The following FGF12 variants were observed in gnomAD, a reference collection of about 807,000 sequenced individuals.
FGF12 encodes fibroblast growth factor 12B.
In FGF12, 14 loss-of-function variants were observed where a neutral mutation model predicts 23.6. The ratio of observed to expected loss-of-function variants is 0.59; its 90% confidence interval spans 0.39 to 0.93. The LOEUF (loss-of-function observed/expected upper bound fraction) is 0.93, where lower values mean the gene tolerates loss of function less well. Ranked by LOEUF, FGF12 falls within the 40% of genes least tolerant of loss-of-function variation. The pLI, the probability that FGF12 is intolerant of heterozygous loss-of-function variation, is 0.00. For synonymous variants in FGF12, 62 were observed against 77.3 expected (o/e 0.80, Z 1.04); for missense variants, 175 against 217.8 (o/e 0.80, Z 1.24).
chr3:192,404,135 T>C (rs1417439538), intron 2 of FGF12, among the ~76,000 whole-genome samples: 1 of 152,160 alleles, frequency 6.6e-6, no homozygotes, highest in African/African-American at 2.4e-5. Context: ...TCTTTAGGTT[T>C]TAAGATAGAT....
intron 2 of FGF12, among the ~76,000 whole-genome samples, chr3:192,439,784 G>GC (rs1722142525): frequency 6.6e-6 from 1 of 151,998 alleles, no homozygotes; most frequent in Non-Finnish European, 1.5e-5. Flanking sequence ...AGACCAGCCT[G>GC]GCAAAGATGG....
chr3:192,268,023 T>A lies in FGF12; in HGVS notation c.228+67338A>T, dbSNP rs188394444. Among the ~76,000 whole-genome samples, 234 of 152,314 alleles carry A rather than the reference T, an allele frequency of 1.5e-3. 1 individual carries two copies. Among genetic ancestry groups the A allele is most frequent in the Admixed American group, 0.013 (194 of 15,294 alleles). Reference sequence around the variant, plus strand: ...TGAGTATTCTTGTTCTCCCAAGGGATGGATATCTCAGATTTAAAGATAAAG... The same window carrying A: ...TGAGTATTCTTGTTCTCCCAAGGGAAGGATATCTCAGATTTAAAGATAAAG... On this transcript the variant is annotated intron_variant, in intron 4 of 5. Coordinates refer to ENST00000445105, the MANE Select transcript of FGF12 (RefSeq NM_004113.6).
intron 2 of FGF12, among the ~76,000 whole-genome samples, chr3:192,626,638 G>A (rs942785093): frequency 3.9e-5 from 6 of 152,014 alleles, no homozygotes; most frequent in Non-Finnish European, 7.4e-5. Context: ...TTAGAGAATG[G>A]GCCTTGCTCT....
intron 3 of FGF12, among the ~76,000 whole-genome samples, chr3:192,349,195 T>C (rs1430551438): frequency 6.6e-6 from 1 of 152,106 alleles, no homozygotes; most frequent in Non-Finnish European, 1.5e-5. Context: ...ATTAAGAATA[T>C]GGACAAATCT....
chr3:192,217,584 C>T (rs1264344307), intron 4 of FGF12, among the ~76,000 whole-genome samples: 1 of 152,126 alleles, frequency 6.6e-6, no homozygotes, highest in African/African-American at 2.4e-5. Context: ...AGTCTCTTTG[C>T]CATCATGTCA....
At chr3:192,159,867 A>C (rs1042715976) in intron 5 of FGF12, among the ~76,000 whole-genome samples, 2 of 152,200 alleles carry the variant, frequency 1.3e-5, no homozygotes, top group Admixed American at 1.3e-4. Context: ...CCAAAGTCCC[A>C]AAATGTCAGT....
At chr3:192,468,637 G>A (rs1181788979) in intron 2 of FGF12, among the ~76,000 whole-genome samples, 7 of 152,150 alleles carry the variant, frequency 4.6e-5, no homozygotes, top group Admixed American at 4.6e-4. Flanking sequence ...TACTACTAGT[G>A]ATGATTAACT....
chr3:192,671,804 TAC>T (rs1369142753), intron 2 of FGF12, among the ~76,000 whole-genome samples: 4 of 124,434 alleles, frequency 3.2e-5, no homozygotes, highest in East Asian at 2.9e-4. Flanking sequence ...CACACACACA[TAC>T]ACACACACAC....
chr3:192,505,296 G>A (rs1292624640), intron 2 of FGF12, among the ~76,000 whole-genome samples: 1 of 152,126 alleles, frequency 6.6e-6, no homozygotes, highest in African/African-American at 2.4e-5. Context: ...AGCTAAAACG[G>A]GAAAGCCTCA....
intron 2 of FGF12, among the ~76,000 whole-genome samples, chr3:192,723,175 G>C (rs1379286323): frequency 6.6e-6 from 1 of 152,068 alleles, no homozygotes; most frequent in Non-Finnish European, 1.5e-5. Flanking sequence ...AAATATTTAG[G>C]GTAATTGGGG....
chr3:192,655,386 T>G (rs35247352), intron 2 of FGF12, among the ~76,000 whole-genome samples: 3,490 of 152,254 alleles, frequency 0.023, 48 homozygotes, highest in Middle Eastern at 0.065. Flanking sequence ...AACTCAGATG[T>G]GATGGTTGGA....
At chr3:192,472,959 T>G (rs1477814151) in intron 2 of FGF12, among the ~76,000 whole-genome samples, 1 of 152,192 alleles carries the variant, frequency 6.6e-6, no homozygotes, top group East Asian at 1.9e-4. Flanking sequence ...TTCTGAGAAG[T>G]CTCTCCCTAT....
intron 2 of FGF12, among the ~76,000 whole-genome samples, chr3:192,561,465 C>T (rs183353611): frequency 1.6e-4 from 25 of 151,884 alleles, no homozygotes; most frequent in African/African-American, 5.3e-4. Flanking sequence ...TGGGTTCAAG[C>T]GATTCTCCTG....
chr3:192,408,951 G>T lies in FGF12; in HGVS notation c.14-48413C>A. The T allele has an allele frequency of 3.0e-6, 3 of 985,104 alleles. No individual in the cohort carries two copies. Among genetic ancestry groups the T allele is most frequent in the Non-Finnish European group, 3.6e-6 (3 of 829,886 alleles). 61.0% of individuals were successfully genotyped at this position (985,104 alleles called of 1,614,324 possible). On this transcript the variant is annotated intron_variant, in intron 2 of 5. Coordinates refer to ENST00000445105, the MANE Select transcript of FGF12 (RefSeq NM_004113.6). This position sits in a 1 kb window ranked among gnomAD's most constrained non-coding sequence, Gnocchi z 7.3. ...CCACCCGAGTTCTGGAATTCCGAGA[G>T]GCGCGAAGTGGGAGCGGTTACCCGG...
intron 2 of FGF12, among the ~76,000 whole-genome samples, chr3:192,402,608 A>G (rs1007956435): frequency 2.6e-5 from 4 of 152,184 alleles, no homozygotes; most frequent in Non-Finnish European, 5.9e-5. Flanking sequence ...ACACTTACTC[A>G]TCTTCTGATT....
chr3:192,682,257 C>T (rs920848774), intron 2 of FGF12, among the ~76,000 whole-genome samples: 5 of 152,100 alleles, frequency 3.3e-5, no homozygotes, highest in Admixed American at 6.6e-5. Flanking sequence ...CTGCTATAAG[C>T]CCCTGAACGC....
At chr3:192,395,923 C>A (rs1034145682) in intron 2 of FGF12, among the ~76,000 whole-genome samples, 4 of 152,128 alleles carry the variant, frequency 2.6e-5, no homozygotes, top group Non-Finnish European at 4.4e-5. Flanking sequence ...ACTAAAAGAA[C>A]TGAAATGGAT....
chr3:192,469,435 G>A (rs1723107350), intron 2 of FGF12, among the ~76,000 whole-genome samples: 1 of 152,094 alleles, frequency 6.6e-6, no homozygotes, highest in African/African-American at 2.4e-5. Flanking sequence ...AATACCAGAG[G>A]GCTCATGATA....
chr3:192,692,710 T>TAAAAA (rs200005337), intron 2 of FGF12, among the ~76,000 whole-genome samples: 2 of 123,198 alleles, frequency 1.6e-5, no homozygotes, highest in African/African-American at 5.9e-5. Context: ...AGACCCTGTC[T>TAAAAA]AAAAAAAAAA....
Sources: gnomAD v4.1 joint callset for allele counts (sites outside exome capture counted in the v4.1 genomes callset) on GRCh38, gnomAD v4.1.1 for gene constraint, Gnocchi (gnomAD v3.1) non-coding constraint, MANE v1.5 for transcripts, NCBI Gene and HGNC (gene_info 2026-07-23, HGNC 2026-07-21) for gene names.